Variants in MBTPS1 observed in about 807,000 individuals in gnomAD.
MBTPS1 encodes membrane bound transcription factor peptidase, site 1, also known as membrane-bound transcription factor site-1 protease.
Under a neutral mutation model 127.8 loss-of-function variants are expected in MBTPS1, and 94 were observed. The ratio of observed to expected loss-of-function variants is 0.74; its 90% CI spans 0.62 to 0.87. The LOEUF (loss-of-function observed/expected upper bound fraction) is 0.87. Ranked by LOEUF, MBTPS1 falls within the 40% of genes least tolerant of loss-of-function variation. MBTPS1 has a pLI of 0.00. For synonymous variants in MBTPS1, 632 were observed against 509.4 expected (o/e 1.24, Z -3.24); for missense variants, 1,636 against 1,353.2 (o/e 1.21, Z -3.28).
rs189245385 is a variant in MBTPS1 at position 84,056,401 on chromosome 16, A to G, written c.2832-266T>C. On this transcript the variant is annotated intron_variant, in intron 21 of 22. Coordinates refer to ENST00000343411, the MANE Select transcript of MBTPS1 (RefSeq NM_003791.4). Reference sequence around the variant, plus strand: ...ATGACCAGCAGGAGCCTGTTTTTGCATAAAGCTAAACATGACCAAGCGCCT... The same window carrying G: ...ATGACCAGCAGGAGCCTGTTTTTGCGTAAAGCTAAACATGACCAAGCGCCT... 5.1e-4 allele frequency: 181 copies of G among 355,768 alleles called. 1 individual carries two copies. The highest frequency in any genetic ancestry group is 3.5e-3 in the African/African-American group (170 of 48,176). The allele number at this position is 355,768 out of a possible 1,614,324, so 22.0% of individuals were successfully genotyped here. A position where few individuals can be genotyped will look rare whatever the true frequency, so the allele number is the denominator to read the frequency against.
At chr16:84,099,352 T>C (rs149426152) in intron 2 of MBTPS1, 42 bp from the exon 3 acceptor site, 11 of 1,596,374 alleles carry the variant, frequency 6.9e-6, no homozygotes, top group African/African-American at 6.7e-5. Context: ...TTTACGCACA[T>C]ACATTATAAC....
At chr16:84,067,063 A>G (rs1423495657) in intron 16 of MBTPS1, among the ~76,000 whole-genome samples, 1 of 152,190 alleles carries the variant, frequency 6.6e-6, no homozygotes. Flanking sequence ...TACTATAAAT[A>G]TAAGTAAATT....
intron 9 of MBTPS1, among the ~76,000 whole-genome samples, chr16:84,085,498 G>A (rs2086007253): frequency 2.0e-5 from 3 of 151,780 alleles, no homozygotes; most frequent in Admixed American, 2.0e-4. Context: ...AAGGCTGCAG[G>A]GAGCCGTGAT....
chr16:84,070,162 C>G, intron 13 of MBTPS1, 124 bp from the exon 14 acceptor site: 1 of 790,582 alleles, frequency 1.3e-6, no homozygotes, highest in Non-Finnish European at 2.0e-6. Context: ...TTTCCAATAA[C>G]AAATGTCTGA....
In MBTPS1 at chr16:84,085,077, C is replaced by T. The variant is rs768811661; in HGVS notation, c.1192G>A (p.Val398Met). The T allele has an allele frequency of 1.4e-5, 22 of 1,614,076 alleles. No individual in the cohort carries two copies. The highest frequency in any genetic ancestry group is 1.6e-4 in the Middle Eastern group (1 of 6,084). ...CCCCCTTTCACGCCAGAACCCCGCA[C>T]GCCAGCACCATAGGTGACAATGTCA... ...KPDIVTYGAG[V>M]RGSGVKGGCR... Residue 398 changes from valine (V) to methionine (M), a missense_variant, in exon 10 of 23, where the codon GTG (valine) becomes ATG (methionine). Coordinates refer to ENST00000343411, the MANE Select transcript of MBTPS1 (RefSeq NM_003791.4).
intron 1 of MBTPS1, among the ~76,000 whole-genome samples, chr16:84,111,023 C>G (rs1459389168): frequency 6.6e-6 from 1 of 152,164 alleles, no homozygotes; most frequent in Non-Finnish European, 1.5e-5. Context: ...CTGCAGTAGG[C>G]TGAAAAATGG....
intron 12 of MBTPS1, among the ~76,000 whole-genome samples, chr16:84,073,503 T>G (rs553516422): frequency 2.0e-5 from 3 of 151,852 alleles, no homozygotes; most frequent in South Asian, 2.1e-4. Context: ...AAGTGCACAA[T>G]GATAACAAAA....
At chr16:84,063,496 TGA>T (rs747921323) in intron 18 of MBTPS1, 51 bp from the exon 19 acceptor site, 1 of 1,556,060 alleles carries the variant, frequency 6.4e-7, no homozygotes, top group African/African-American at 1.4e-5. Context: ...CACTGAGCAG[TGA>T]GTTATTTCCT....
chr16:84,090,803 A>C, intron 8 of MBTPS1, 72 bp downstream of exon 8: 1 of 1,100,204 alleles, frequency 9.1e-7, no homozygotes, highest in East Asian at 2.4e-5. Context: ...GTAGATACAC[A>C]AACAGATAAC....
At chr16:84,108,434 T>C (rs920267770) in intron 1 of MBTPS1, among the ~76,000 whole-genome samples, 1 of 152,166 alleles carries the variant, frequency 6.6e-6, no homozygotes, top group African/African-American at 2.4e-5. Context: ...CAGCTAATTT[T>C]TGTATTTTTA....
rs2086220481 is a variant in MBTPS1 at position 84,099,196 on chromosome 16, G to C, written c.278C>G (p.Pro93Arg). ...AAAATCACTAGGGTAGTCACTGGAT[G>C]GATTGTTTCGAGGTATAATTCTCCA... ...DNWRIIPRNN[P>R]SSDYPSDFEV... The change falls in exon 3 of 23, where the codon CCA (proline) becomes CGA (arginine). Residue 93 changes from proline (P) to arginine (R), a missense_variant. Physicochemically the swap from Pro to Arg is moderately radical, Grantham distance 103. Coordinates refer to ENST00000343411, the MANE Select transcript of MBTPS1 (RefSeq NM_003791.4). 1.2e-6 allele frequency: 2 copies of C among 1,614,044 alleles called. No individual in the cohort carries two copies. The highest frequency in any genetic ancestry group is 1.7e-6 in the Non-Finnish European group (2 of 1,179,970).
chr16:84,066,526 G>A lies in MBTPS1; in HGVS notation c.2316C>T (p.Gly772=). 1 of 1,614,144 alleles carries A rather than the reference G, an allele frequency of 6.2e-7. No individual in the cohort carries two copies. ...LSVWNMGFSD[G]LYEGEFTLAN... ...CCAGGGTGAACTCCCCTTCATACAG[G>A]CCATCGCTGAACCCCATGTTCCACA... Residue 772 remains glycine, a synonymous_variant, in exon 17 of 23, where the codon GGC becomes GGT. Transcript: ENST00000343411.
rs747108636 is a variant in MBTPS1, at chr16:84,084,966, TA to T, written c.1286+16del. On this transcript the variant is annotated intron_variant, in intron 10 of 22. Transcript: ENST00000343411. ...TCCTGACGTGGGAGCTACTGGTCTC[TA>T]GGGGGCAGCACTCACCTCACTAACA... 4 of 1,612,386 alleles carry T rather than the reference TA, an allele frequency of 2.5e-6. No individual in the cohort carries two copies. Among genetic ancestry groups the T allele is most frequent in the Non-Finnish European group, 3.4e-6 (4 of 1,179,256 alleles).
intron 8 of MBTPS1, among the ~76,000 whole-genome samples, 158 bp from the exon 9 acceptor site, chr16:84,087,618 G>A (rs1237203415): frequency 2.0e-5 from 3 of 152,150 alleles, no homozygotes; most frequent in African/African-American, 4.8e-5. Context: ...CCTCACGGCT[G>A]TCCTGTGAAA....
At chr16:84,093,335 T>C (rs1281251282) in intron 5 of MBTPS1, 38 bp from the exon 6 acceptor site, 1 of 1,349,360 alleles carries the variant, frequency 7.4e-7, no homozygotes, top group South Asian at 1.2e-5. Context: ...TAAAACACAC[T>C]GAATAGCAAG....
chr16:84,103,949 A>G (rs56327639), intron 1 of MBTPS1, among the ~76,000 whole-genome samples: 41,502 of 152,120 alleles, frequency 0.27, 5,800 homozygotes, highest in South Asian at 0.31. Context: ...ACAAAGAGCC[A>G]AACAGAAAGA....
At chr16:84,072,358 G>A (rs572304698) in intron 12 of MBTPS1, among the ~76,000 whole-genome samples, 1 of 152,246 alleles carries the variant, frequency 6.6e-6, no homozygotes, top group African/African-American at 2.4e-5. Context: ...TTCTTTTAGG[G>A]AATGTTCCTG....
At position 84,074,703 on chromosome 16, in the gene MBTPS1, T is replaced by G; in HGVS notation, c.1487A>C (p.Tyr496Ser). Reference protein sequence around the residue: ...PSYIDLTECPYMWPYCSQPIY... With the variant: ...PSYIDLTECPSMWPYCSQPIY... ...GGGCTGGGAGCAGTAGGGCCACATG[T>G]AGGGACACTCAGTCAGATCTATGTA... The change falls in exon 12 of 23, where the codon TAC becomes TCC. Residue 496 changes from tyrosine (Y) to serine (S), a missense_variant. Coordinates refer to ENST00000343411, the MANE Select transcript of MBTPS1 (RefSeq NM_003791.4). The G allele has an allele frequency of 6.2e-7, 1 of 1,614,100 alleles. No individual in the cohort carries two copies. Among genetic ancestry groups the G allele is most frequent in the Non-Finnish European group, 8.5e-7 (1 of 1,179,974 alleles).
Position 84,093,268 on chromosome 16 carries a change from C to G in MBTPS1, c.766G>C (p.Val256Leu). The change falls in exon 6 of 23, where the codon GTG (valine) becomes CTG (leucine). Residue 256 changes from valine to leucine, a missense_variant. Coordinates refer to ENST00000343411, the MANE Select transcript of MBTPS1 (RefSeq NM_003791.4). The part of the protein sequence containing the change: ...GLGHGTFVAG[V>L]IASMRECQGF... ...TGGCACTCCCTCATGCTGGCTATCACACCTGCCACGAATGTGCCATGGCCC... is the reference window on the plus strand; with the variant it reads ...TGGCACTCCCTCATGCTGGCTATCAGACCTGCCACGAATGTGCCATGGCCC... 1.2e-6 allele frequency: 2 copies of G among 1,613,926 alleles called. No individual in the cohort carries two copies. The highest frequency in any genetic ancestry group is 1.7e-6 in the Non-Finnish European group (2 of 1,179,782).
Sources: gnomAD v4.1 joint callset for allele counts (sites outside exome capture counted in the v4.1 genomes callset) on GRCh38, gnomAD v4.1.1 for gene constraint, MANE v1.5 for transcripts, NCBI Gene and HGNC (gene_info 2026-07-23, HGNC 2026-07-21) for gene names.